TENM2: variants seen among roughly 807,000 people sequenced by gnomAD.
The protein encoded by TENM2 is teneurin transmembrane protein 2.
Under a neutral mutation model 245.2 loss-of-function variants are expected in TENM2, and 52 were observed. That is an observed-to-expected ratio of 0.21 (90% CI 0.17 to 0.27). TENM2 has a LOEUF of 0.27. Ranked by LOEUF, TENM2 falls within the 10% of genes least tolerant of loss-of-function variation. TENM2 has a pLI of 1.00. For synonymous variants in TENM2, 1,363 were observed against 1,438.9 expected (o/e 0.95, Z 1.19); for missense variants, 3,046 against 3,666.8 (o/e 0.83, Z 4.37).
At chr5:167,056,555 A>G in the TENM2 span, among the ~76,000 whole-genome samples, 4 of 145,006 alleles carry the variant, frequency 2.8e-5, no homozygotes, top group South Asian at 8.4e-4. Flanking sequence ...ATATAAATAT[A>G]TATCTATATA....
intron 2 of TENM2, among the ~76,000 whole-genome samples, chr5:167,609,509 A>AAAAAAAAAAAAAAAAAAAAAAT (rs1777313347): frequency 2.5e-5 from 1 of 39,570 alleles, no homozygotes; most frequent in African/African-American, 5.2e-5. Context: ...AAAAAAAAAA[A>AAAAAAAAAAAAAAAAAAAAAAT]AAACAAAACC....
the TENM2 span, among the ~76,000 whole-genome samples, chr5:167,106,721 G>A: frequency 6.6e-6 from 1 of 151,826 alleles, no homozygotes; most frequent in African/African-American, 2.4e-5. Context: ...GGTGATGGCA[G>A]TGAAAGCCTG....
In TENM2 at chr5:168,225,559, G is replaced by A. The variant is rs548056777; in HGVS notation, c.5109-529G>A. Among the ~76,000 whole-genome samples the A allele has an allele frequency of 1.1e-4, 16 of 152,198 alleles. No individual in the cohort carries two copies. In the South Asian group the frequency reaches 2.1e-3, roughly 20 times the overall value. On this transcript the variant is annotated intron_variant, in intron 23 of 28. Transcript: ENST00000518659. ...GTGGATCACCTGAGGTCAGGAGTTC[G>A]AGACCAGATTGGCCAACATGGCAAA...
At chr5:167,383,575 C>T (rs766056163) in intron 2 of TENM2, among the ~76,000 whole-genome samples, 2 of 151,884 alleles carry the variant, frequency 1.3e-5, no homozygotes, top group Non-Finnish European at 2.9e-5. Context: ...TCGTCTTTCC[C>T]CCAACATCTT....
intron 13 of TENM2, among the ~76,000 whole-genome samples, chr5:168,182,625 T>C (rs1760011653): frequency 6.6e-6 from 1 of 152,094 alleles, no homozygotes; most frequent in African/African-American, 2.4e-5. Flanking sequence ...AGTACCACCC[T>C]GGGCAAATGG....
chr5:167,076,205 G>A, the TENM2 span, among the ~76,000 whole-genome samples: 2 of 152,028 alleles, frequency 1.3e-5, no homozygotes, highest in East Asian at 3.9e-4. Context: ...GAAAACACTA[G>A]GTATAAATGT....
intron 4 of TENM2, among the ~76,000 whole-genome samples, chr5:167,973,957 A>G (rs915010298): frequency 6.8e-6 from 1 of 147,852 alleles, no homozygotes; most frequent in Non-Finnish European, 1.5e-5. Flanking sequence ...AACTAAAAGT[A>G]CATTGAAGTT....
the TENM2 span, among the ~76,000 whole-genome samples, chr5:167,274,585 CT>C: frequency 0.12 from 16,954 of 144,396 alleles, 1,101 homozygotes; most frequent in East Asian, 0.18. Flanking sequence ...TTCTTTCTTT[CT>C]TTTTTTTTTT....
intron 7 of TENM2, among the ~76,000 whole-genome samples, chr5:168,082,930 T>C (rs568058819): frequency 7.7e-4 from 118 of 152,290 alleles, no homozygotes; most frequent in African/African-American, 2.5e-3. Context: ...AGTCTGTCTG[T>C]TCTCAGATCT....
chr5:168,067,425 G>A (rs1372573144), intron 7 of TENM2, among the ~76,000 whole-genome samples: 2 of 152,148 alleles, frequency 1.3e-5, no homozygotes, highest in African/African-American at 4.8e-5. Flanking sequence ...ATGGCAGATT[G>A]GGCATATGTG....
chr5:167,575,330 A>G (rs58387090), intron 2 of TENM2, among the ~76,000 whole-genome samples: 1,610 of 152,258 alleles, frequency 0.011, 37 homozygotes, highest in African/African-American at 0.037. Context: ...TACAAGGGTG[A>G]CTTCAGTACC....
At chr5:167,285,359 T>G (rs1771275285) in intron 1 of TENM2, among the ~76,000 whole-genome samples, 1 of 152,200 alleles carries the variant, frequency 6.6e-6, no homozygotes, top group Non-Finnish European at 1.5e-5. Flanking sequence ...AAATGGTGTA[T>G]CTTGGTTAAA....
At chr5:167,577,202 T>C (rs747470125) in intron 2 of TENM2, among the ~76,000 whole-genome samples, 2 of 152,184 alleles carry the variant, frequency 1.3e-5, no homozygotes, top group Non-Finnish European at 2.9e-5. Context: ...TTGGAAATGA[T>C]CAATTAACTG....
At chr5:167,234,180 C>T in the TENM2 span, among the ~76,000 whole-genome samples, 1 of 152,150 alleles carries the variant, frequency 6.6e-6, no homozygotes, top group African/African-American at 2.4e-5. Flanking sequence ...CCAGATGAAA[C>T]ATGAAGAATT....
At chr5:167,303,432 C>T (rs1271477078) in intron 1 of TENM2, 1 of 152,060 alleles carries the variant, frequency 6.6e-6, no homozygotes, top group Admixed American at 6.6e-5. Flanking sequence ...AAATTACAGT[C>T]AAAGGGGGGC....
At chr5:167,285,794 A>C (rs1455431893) in intron 1 of TENM2, among the ~76,000 whole-genome samples, 1 of 152,228 alleles carries the variant, frequency 6.6e-6, no homozygotes, top group East Asian at 1.9e-4. Flanking sequence ...TTGATGGCTC[A>C]GCAAAATTAC....
intron 11 of TENM2, among the ~76,000 whole-genome samples, 154 bp downstream of exon 13, chr5:168,125,204 A>C (rs77719428): frequency 3.9e-5 from 6 of 152,170 alleles, no homozygotes; most frequent in African/African-American, 1.4e-4. Context: ...CTTCTCCTCA[A>C]TCGTGGAGTC....
intron 3 of TENM2, chr5:167,938,713 G>A (rs1778928497): frequency 6.6e-6 from 1 of 152,176 alleles, no homozygotes. Context: ...TTGAGGCCAA[G>A]GCAGTCAGAT....
chr5:167,670,478 T>G (rs1219087503), intron 2 of TENM2, among the ~76,000 whole-genome samples: 1 of 143,720 alleles, frequency 7.0e-6, no homozygotes, highest in Non-Finnish European at 1.5e-5. Flanking sequence ...TCTCTAATTC[T>G]CTCCCCCTCT....
Sources: allele counts gnomAD v4.1 joint callset (sites outside exome capture counted in the v4.1 genomes callset), GRCh38; gene constraint gnomAD v4.1.1; transcripts MANE v1.5; gene names NCBI Gene and HGNC (gene_info 2026-07-23, HGNC 2026-07-21).